Variants in MTM1 observed in about 807,000 individuals in gnomAD.
The protein encoded by MTM1 is myotubularin.
Under a neutral mutation model 52.1 loss-of-function variants are expected in MTM1, and 9 were observed. That is an observed-to-expected ratio of 0.17 (90% CI 0.10 to 0.30). The LOEUF (loss-of-function observed/expected upper bound fraction) is 0.30. Ranked by LOEUF, MTM1 falls within the 10% of genes least tolerant of loss-of-function variation. The probability of loss-of-function intolerance (pLI) is 1.00; values close to 1 mark genes in which losing one functional copy is unlikely to be tolerated. For synonymous variants in MTM1, 136 were observed against 163.8 expected (o/e 0.83, Z 1.29); for missense variants, 277 against 470.7 (o/e 0.59, Z 3.81).
intron 9 of MTM1, among the ~76,000 whole-genome samples, chrX:150,646,604 C>T (rs1557413986): frequency 1.8e-5 from 2 of 112,482 alleles, no homozygotes; most frequent in Non-Finnish European, 3.8e-5. Context: ...TCTTTTCCTT[C>T]TCCTCCCATC....
chrX:150,673,128 A>C lies in MTM1; in HGVS notation c.*1533A>C. 8.9e-6 allele frequency: 1 copy of C among 112,399 alleles called. No homozygotes were observed. Among genetic ancestry groups the C allele is most frequent in the Middle Eastern group, 4.6e-3 (1 of 219 alleles). 9.3% of individuals were successfully genotyped at this position (112,399 alleles called of 1,213,427 possible). ...ACTAAAGACCTGCTGTAATAAATGT[A>C]TTAACTGAAACCTAACACTGTTTTC... On this transcript the variant is annotated 3_prime_UTR_variant, in exon 15 of 15. Transcript: ENST00000370396.
intron 1 of MTM1, among the ~76,000 whole-genome samples, chrX:150,579,102 TG>T (rs781927489): frequency 9.0e-6 from 1 of 110,699 alleles, no homozygotes; most frequent in Non-Finnish European, 1.9e-5. Flanking sequence ...TTGCCCAGGC[TG>T]GAGTGCAATG....
chrX:150,604,920 G>A (rs1345780286), intron 4 of MTM1, among the ~76,000 whole-genome samples: 2 of 110,326 alleles, frequency 1.8e-5, no homozygotes, highest in East Asian at 5.7e-4. Flanking sequence ...TATACACCCC[G>A]TGCTTTGGCT....
chrX:150,670,787 G>A (rs1304504154), intron 14 of MTM1, among the ~76,000 whole-genome samples: 1 of 111,240 alleles, frequency 9.0e-6, no homozygotes, highest in Non-Finnish European at 1.9e-5. Flanking sequence ...TTGAGGAGAT[G>A]TGTACAAGGA....
chrX:150,655,324 CAA>C (rs782639017), intron 10 of MTM1, among the ~76,000 whole-genome samples: 11 of 42,633 alleles, frequency 2.6e-4, no homozygotes, highest in Non-Finnish European at 1.3e-4. Context: ...GACTCTGTCT[CAA>C]AAAAAAAAAA....
At chrX:150,592,244 A>G (rs950350288) in intron 1 of MTM1, among the ~76,000 whole-genome samples, 3 of 111,910 alleles carry the variant, frequency 2.7e-5, no homozygotes, top group Non-Finnish European at 3.8e-5. Flanking sequence ...AATAAGGAGT[A>G]TGGAAATTTG....
chrX:150,614,853 A>C (rs782032594), intron 5 of MTM1, among the ~76,000 whole-genome samples, 154 bp downstream of exon 5: 3 of 111,779 alleles, frequency 2.7e-5, no homozygotes, highest in African/African-American at 9.8e-5. Flanking sequence ...AGCTTTTCAA[A>C]AGTGCCTGGG....
At position 150,583,917 on chromosome X, in the gene MTM1, A is replaced by AT. The variant is rs1199078789; in HGVS notation, c.-10-8688_-10-8687insT. Among the ~76,000 whole-genome samples, 4 of 53,267 alleles carry AT rather than the reference A, an allele frequency of 7.5e-5. 1 individual carries two copies. The highest frequency in any genetic ancestry group is 1.0e-4 in the Non-Finnish European group (3 of 28,788). The allele number at this position is 53,267 out of a possible 115,157, so 46.3% of individuals were successfully genotyped here. ...TATTTGATATATATATATATAATAT[A>AT]AAATATATATTAAATTAAAATATAT... On this transcript the variant is annotated intron_variant, in intron 1 of 14. Coordinates refer to ENST00000370396, the MANE Select transcript of MTM1 (RefSeq NM_000252.3).
chrX:150,643,862 C>A (rs1305202416), intron 8 of MTM1, among the ~76,000 whole-genome samples: 1 of 111,796 alleles, frequency 8.9e-6, no homozygotes, highest in Non-Finnish European at 1.9e-5. Context: ...GTGCCATATA[C>A]TGTAAAAGCA....
intron 6 of MTM1, among the ~76,000 whole-genome samples, chrX:150,633,283 G>A (rs2039699744): frequency 8.9e-6 from 1 of 112,027 alleles, no homozygotes; most frequent in African/African-American, 3.2e-5. Flanking sequence ...AGTAGAAATA[G>A]GATTAGGAGA....
At chrX:150,668,512 C>A (rs1348587221) in intron 14 of MTM1, among the ~76,000 whole-genome samples, 2 of 95,060 alleles carry the variant, frequency 2.1e-5, no homozygotes, top group African/African-American at 8.2e-5. Flanking sequence ...CATAGTGAGA[C>A]CCCCTCCTCC....
At chrX:150,583,051 A>G (rs2038616352) in intron 1 of MTM1, among the ~76,000 whole-genome samples, 1 of 90,307 alleles carries the variant, frequency 1.1e-5, no homozygotes, top group South Asian at 4.7e-4. Flanking sequence ...TATAATTTAT[A>G]TAATTTATAA....
rs1569565340 is a variant in MTM1, at chrX:150,583,581, A to ATATATAATTTATATATAT, written c.-10-9018_-10-9017insATTTATATATATTATATA. ...ATATATAATATATAATTTATATATA[A>ATATATAATTTATATATAT]TATATATAATTTATATATAATATAT... On this transcript the variant is annotated intron_variant, in intron 1 of 14. Transcript: ENST00000370396. Among the ~76,000 whole-genome samples, 8 of 20,626 alleles carry ATATATAATTTATATATAT rather than the reference A, an allele frequency of 3.9e-4. 1 individual carries two copies. In the Admixed American group the frequency reaches 8.2e-3, roughly 21 times the overall value. 17.9% of individuals were successfully genotyped at this position (20,626 alleles called of 115,157 possible).
At position 150,641,480 on chromosome X, in the gene MTM1, A is replaced by G. The variant is rs192381259; in HGVS notation, c.678+62A>G. 24 of 1,155,647 alleles carry G rather than the reference A, an allele frequency of 2.1e-5. No individual in the cohort carries two copies. The African/African-American group carries it at 4.3e-4, about 21-fold the overall frequency. On this transcript the variant is annotated intron_variant, in intron 8 of 14. Transcript: ENST00000370396. Reference sequence around the variant, plus strand: ...CTTTTAGTCCATAAGAATGGTAGTCATATAACTTAGAGAAACGGTCCTTTT... The same window carrying G: ...CTTTTAGTCCATAAGAATGGTAGTCGTATAACTTAGAGAAACGGTCCTTTT...
intron 14 of MTM1, among the ~76,000 whole-genome samples, chrX:150,668,521 C>G (rs1364809777): frequency 1.2e-5 from 1 of 84,245 alleles, no homozygotes; most frequent in African/African-American, 5.0e-5. Flanking sequence ...ACCCCCTCCT[C>G]CATCTCTACA....
chrX:150,609,220 A>G (rs83870), intron 4 of MTM1, among the ~76,000 whole-genome samples: 30,556 of 110,542 alleles, frequency 0.28, 3,376 homozygotes, highest in South Asian at 0.51. Flanking sequence ...ATAACATCAG[A>G]TGTGCTCTTC....
intron 1 of MTM1, among the ~76,000 whole-genome samples, chrX:150,574,590 TG>T (rs1322259253): frequency 8.9e-6 from 1 of 112,536 alleles, no homozygotes; most frequent in Non-Finnish European, 1.9e-5. Context: ...TAACACAGCA[TG>T]TGCGAAATAT....
chrX:150,592,040 T>C (rs1569565372), intron 1 of MTM1, among the ~76,000 whole-genome samples: 1 of 112,588 alleles, frequency 8.9e-6, no homozygotes, highest in Non-Finnish European at 1.9e-5. Flanking sequence ...ATATGCATTA[T>C]TTAAATGAAG....
chrX:150,591,069 T>C, intron 1 of MTM1: 1 of 725,911 alleles, frequency 1.4e-6, no homozygotes, highest in Non-Finnish European at 1.6e-6. Flanking sequence ...AAGCATATTT[T>C]ACGATTTTGT....
Sources: allele counts gnomAD v4.1 joint callset (sites outside exome capture counted in the v4.1 genomes callset), GRCh38; gene constraint gnomAD v4.1.1; transcripts MANE v1.5; gene names NCBI Gene and HGNC (gene_info 2026-07-23, HGNC 2026-07-21).